STK32B: variants seen among roughly 807,000 people sequenced by gnomAD.
The protein encoded by STK32B is serine/threonine kinase 32B.
A neutral mutation model predicts 52.6 loss-of-function variants in STK32B; 43 were observed. The observed-to-expected ratio is 0.82, with a 90% CI of 0.64 to 1.05. STK32B has a LOEUF of 1.05. Ranked by LOEUF, STK32B falls within the 50% of genes least tolerant of loss-of-function variation. The pLI, the probability that STK32B is intolerant of heterozygous loss-of-function variation, is 0.00. For missense variants in STK32B, 621 were observed against 534.6 expected (o/e 1.16, Z -1.59); for synonymous variants, 238 against 204.3 (o/e 1.17, Z -1.41).
At chr4:5,475,717 C>T (rs1291831804) in intron 11 of STK32B, among the ~76,000 whole-genome samples, 3 of 149,804 alleles carry the variant, frequency 2.0e-5, no homozygotes, top group Middle Eastern at 3.4e-3. Context: ...AAAGTGTGAC[C>T]GATTCTGACA....
intron 11 of STK32B, among the ~76,000 whole-genome samples, chr4:5,494,225 T>C (rs1037885840): frequency 6.6e-6 from 1 of 152,306 alleles, no homozygotes; most frequent in African/African-American, 2.4e-5. Flanking sequence ...AGTATCTTTG[T>C]GGGTCACTCA....
At chr4:5,149,160 A>G (rs1717147767) in intron 2 of STK32B, among the ~76,000 whole-genome samples, 1 of 151,878 alleles carries the variant, frequency 6.6e-6, no homozygotes, top group Non-Finnish European at 1.5e-5. Context: ...TAGCCGTTCT[A>G]ACCTACTTAT....
chr4:5,161,435 C>T (rs1172145001), intron 2 of STK32B, among the ~76,000 whole-genome samples: 1 of 152,192 alleles, frequency 6.6e-6, no homozygotes, highest in Non-Finnish European at 1.5e-5. Flanking sequence ...CTGAGACTTT[C>T]TTGGCCTCAT....
chr4:5,048,555 C>T (rs1269269908), upstream of STK32B, among the ~76,000 whole-genome samples: 2 of 152,150 alleles, frequency 1.3e-5, no homozygotes, highest in Non-Finnish European at 2.9e-5. Context: ...CCTTGGCCTC[C>T]CAAAGTTCTG....
At position 5,319,156 on chromosome 4, in the gene STK32B, T is replaced by C. The variant is rs1007363544; in HGVS notation, c.261-12064T>C. On this transcript the variant is annotated intron_variant, in intron 3 of 11. Coordinates refer to ENST00000282908, the MANE Select transcript of STK32B (RefSeq NM_018401.3). ...CATTATGTGTCAGTCACTTTTCCAG[T>C]CCCTTGACTCATAATAACTCCTGAA... 3.1e-4 allele frequency among the ~76,000 whole-genome samples: 47 copies of C among 152,122 alleles called. 1 individual carries two copies. Among genetic ancestry groups the C allele is most frequent in the African/African-American group, 1.0e-3 (43 of 41,426 alleles).
intron 7 of STK32B, among the ~76,000 whole-genome samples, chr4:5,447,585 A>G (rs1288870578): frequency 6.6e-6 from 1 of 152,228 alleles, no homozygotes; most frequent in Admixed American, 6.5e-5. Flanking sequence ...GCAGTGAGCC[A>G]TGATGGCACC....
chr4:5,464,466 C>G (rs998387944), intron 9 of STK32B, among the ~76,000 whole-genome samples: 6 of 152,196 alleles, frequency 3.9e-5, no homozygotes, highest in African/African-American at 1.4e-4. Context: ...TGCCATCCTG[C>G]TGGGAGCTTC....
chr4:5,078,751 C>T (rs1318805142), intron 1 of STK32B, among the ~76,000 whole-genome samples: 3 of 152,140 alleles, frequency 2.0e-5, no homozygotes, highest in Non-Finnish European at 4.4e-5. Context: ...TTGGCCTCCC[C>T]TTCTCTCCCC....
At chr4:5,178,563 C>T (rs1720105831) in intron 3 of STK32B, among the ~76,000 whole-genome samples, 1 of 152,218 alleles carries the variant, frequency 6.6e-6, no homozygotes, top group Non-Finnish European at 1.5e-5. Flanking sequence ...TTTTTCTTTT[C>T]TGTCACGTTT....
chr4:5,387,975 C>G (rs982650038), intron 4 of STK32B, among the ~76,000 whole-genome samples: 7 of 152,086 alleles, frequency 4.6e-5, no homozygotes, highest in African/African-American at 1.7e-4. Flanking sequence ...AACTCCTGAC[C>G]TCAGGTGATC....
Position 5,460,005 on chromosome 4 carries a change from A to G in STK32B, c.784-98A>G. Reference sequence around the variant, plus strand: ...ACAACATCAATAGAGCGTGAAGAGCAGAGGCACATTAATTGCCCTGAGACC... The same window carrying G: ...ACAACATCAATAGAGCGTGAAGAGCGGAGGCACATTAATTGCCCTGAGACC... On this transcript the variant is annotated intron_variant, in intron 8 of 11. Coordinates refer to ENST00000282908, the MANE Select transcript of STK32B (RefSeq NM_018401.3). The surrounding 1 kb of genome is among the most constrained non-coding windows in gnomAD (Gnocchi z 4.8). The G allele has an allele frequency of 6.4e-7, 1 of 1,556,628 alleles. No homozygotes were observed. Among genetic ancestry groups the G allele is most frequent in the South Asian group, 1.1e-5 (1 of 88,582 alleles).
chr4:5,253,301 GTGT>G lies in STK32B; in HGVS notation c.261-77914_261-77912del, dbSNP rs527442364. ...AACTAGACAATATATTTGAGACCAG[GTGT>G]TGTTCTTGGGCAAAGGCGATTACTT... On this transcript the variant is annotated intron_variant, in intron 3 of 11. Coordinates refer to ENST00000282908, the MANE Select transcript of STK32B (RefSeq NM_018401.3). Among the ~76,000 whole-genome samples the G allele has an allele frequency of 2.0e-5, 3 of 152,212 alleles. No individual in the cohort carries two copies. The South Asian group carries it at 6.2e-4, about 32-fold the overall frequency.
intron 3 of STK32B, among the ~76,000 whole-genome samples, chr4:5,176,266 C>T (rs180782894): frequency 2.8e-4 from 43 of 152,238 alleles, no homozygotes; most frequent in Admixed American, 6.5e-4. Flanking sequence ...GGCGATGCCT[C>T]GCCCTGCTTT....
intron 3 of STK32B, among the ~76,000 whole-genome samples, chr4:5,325,830 A>T (rs1276559828): frequency 6.6e-6 from 1 of 152,218 alleles, no homozygotes; most frequent in Non-Finnish European, 1.5e-5. Flanking sequence ...TTATGAGAAT[A>T]TAATTCTAAT....
chr4:5,192,370 G>A (rs1721280340), intron 3 of STK32B, among the ~76,000 whole-genome samples: 1 of 152,132 alleles, frequency 6.6e-6, no homozygotes, highest in Non-Finnish European at 1.5e-5. Context: ...CCACCCCAAA[G>A]TAATAGTGGT....
chr4:5,422,519 G>GA lies in STK32B; in HGVS notation c.562+5594dup, dbSNP rs1037564232. On this transcript the variant is annotated intron_variant, in intron 6 of 11. Coordinates refer to ENST00000282908, the MANE Select transcript of STK32B (RefSeq NM_018401.3). ...AGAGCAGATGGAATTTGCAATTGGA[G>GA]AAAAAAAAAGATCTCTCTAAAATGT... Among the ~76,000 whole-genome samples, 6 of 151,394 alleles carry GA rather than the reference G, an allele frequency of 4.0e-5. No homozygotes were observed. In the South Asian group the frequency reaches 6.3e-4, roughly 16 times the overall value.
At chr4:5,102,466 TTCCTTCCTTCC>T in intron 1 of STK32B, among the ~76,000 whole-genome samples, 1 of 129,468 alleles carries the variant, frequency 7.7e-6, no homozygotes, top group East Asian at 2.4e-4. Flanking sequence ...CCTTCCTTCC[TTCCTTCCTTCC>T]TTCCTTCCTT....
intron 2 of STK32B, among the ~76,000 whole-genome samples, chr4:5,158,276 G>C (rs1377637712): frequency 2.0e-5 from 3 of 152,110 alleles, no homozygotes; most frequent in African/African-American, 7.2e-5. Flanking sequence ...TTTACCCTGA[G>C]GGCACCAAGG....
intron 3 of STK32B, among the ~76,000 whole-genome samples, chr4:5,282,821 T>A (rs1222380997): frequency 6.6e-6 from 1 of 152,134 alleles, no homozygotes; most frequent in Non-Finnish European, 1.5e-5. Context: ...TGAGATTTCA[T>A]CACATTACTC....
Sources: gnomAD v4.1 joint callset for allele counts (sites outside exome capture counted in the v4.1 genomes callset) on GRCh38, gnomAD v4.1.1 for gene constraint, Gnocchi (gnomAD v3.1) non-coding constraint, MANE v1.5 for transcripts, NCBI Gene and HGNC (gene_info 2026-07-23, HGNC 2026-07-21) for gene names.